The following PKP4 variants were observed in gnomAD, a reference collection of about 807,000 sequenced individuals.
PKP4 encodes the protein plakophilin 4.
Under a neutral mutation model 145.1 loss-of-function variants are expected in PKP4, and 90 were observed. The ratio of observed to expected loss-of-function variants is 0.62; its 90% confidence interval spans 0.52 to 0.74. PKP4 has a LOEUF of 0.74. Ranked by LOEUF, PKP4 falls within the 30% of genes least tolerant of loss-of-function variation. The pLI, the probability that PKP4 is intolerant of heterozygous loss-of-function variation, is 0.00. For missense variants in PKP4, 1,340 were observed against 1,482.7 expected, an observed-to-expected ratio of 0.90 and a Z score of 1.58; for synonymous variants, 563 against 577.2, an observed-to-expected ratio of 0.98 and a Z score of 0.35.
chr2:158,639,248 G>C (rs930265877), intron 9 of PKP4, among the ~76,000 whole-genome samples: 1 of 152,120 alleles, frequency 6.6e-6, no homozygotes, highest in African/African-American at 2.4e-5. Context: ...CCTGTAAATA[G>C]AATCGTATCT....
At position 158,621,341 on chromosome 2, in the gene PKP4, A is replaced by G; in HGVS notation, c.523A>G (p.Arg175Gly). The change falls in exon 6 of 22, where the codon AGA becomes GGA. Residue 175 changes from arginine (R) to glycine (G), a missense_variant. Transcript: ENST00000389759. ...CCAGAACGTGAGCAAGGCAGACAAC[A>G]GACAGCAGCATTCATTCATAGGATC... ...NSQNVSKADN[R>G]QQHSFIGSTN... The G allele has an allele frequency of 6.2e-7, 1 of 1,614,206 alleles. No individual in the cohort carries two copies. The highest frequency in any genetic ancestry group is 8.5e-7 in the Non-Finnish European group (1 of 1,180,012).
At chr2:158,503,844 T>G (rs1280454101) in intron 1 of PKP4, among the ~76,000 whole-genome samples, 4 of 152,142 alleles carry the variant, frequency 2.6e-5, no homozygotes, top group African/African-American at 9.7e-5. Flanking sequence ...CTGGATAGAT[T>G]GCTAAAAACA....
chr2:158,542,636 T>C (rs1337034105), intron 2 of PKP4, among the ~76,000 whole-genome samples: 1 of 152,180 alleles, frequency 6.6e-6, no homozygotes, highest in African/African-American at 2.4e-5. Flanking sequence ...CTCTTCTTAC[T>C]TTAAAACCAG....
At chr2:158,512,208 G>A (rs80330591) in intron 1 of PKP4, among the ~76,000 whole-genome samples, 16,621 of 152,134 alleles carry the variant, frequency 0.11, 1,183 homozygotes, top group Non-Finnish European at 0.15. Context: ...TACTAAACTC[G>A]TATATCTTGG....
At chr2:158,650,276 T>C (rs919361359) in intron 11 of PKP4, among the ~76,000 whole-genome samples, 4 of 152,226 alleles carry the variant, frequency 2.6e-5, no homozygotes, top group Admixed American at 1.3e-4. Context: ...TGTAAGCTTA[T>C]TTATTTTCTG....
At chr2:158,671,479 G>T (rs2057552074) in intron 17 of PKP4, among the ~76,000 whole-genome samples, 1 of 152,210 alleles carries the variant, frequency 6.6e-6, no homozygotes. Context: ...AGAAGAGGCT[G>T]AGATGCTGAG....
chr2:158,588,870 G>C (rs1305361073), intron 3 of PKP4: 2 of 151,922 alleles, frequency 1.3e-5, no homozygotes, highest in Non-Finnish European at 2.9e-5. Context: ...TAAATACTTA[G>C]CTTTTCCTGT....
At chr2:158,521,899 A>C (rs2042410585) in intron 1 of PKP4, among the ~76,000 whole-genome samples, 2 of 152,142 alleles carry the variant, frequency 1.3e-5, no homozygotes, top group Non-Finnish European at 2.9e-5. Context: ...CTACACTTTT[A>C]TCTGACATTA....
chr2:158,561,682 G>A (rs571701807), intron 2 of PKP4, among the ~76,000 whole-genome samples: 14 of 152,302 alleles, frequency 9.2e-5, no homozygotes, highest in Middle Eastern at 3.4e-3. Flanking sequence ...ATGAGTGCTC[G>A]TCGCACTTTG....
intron 1 of PKP4, among the ~76,000 whole-genome samples, chr2:158,493,333 T>C (rs970615410): frequency 3.9e-5 from 6 of 152,204 alleles, no homozygotes; most frequent in South Asian, 2.1e-4. Context: ...CCAAATAGTT[T>C]CTCATCGTTT....
chr2:158,613,019 A>C (rs2051276803), intron 4 of PKP4, among the ~76,000 whole-genome samples: 1 of 152,188 alleles, frequency 6.6e-6, no homozygotes, highest in Non-Finnish European at 1.5e-5. Flanking sequence ...AAACTTAAAA[A>C]ATCACCACTG....
intron 1 of PKP4, among the ~76,000 whole-genome samples, chr2:158,517,546 C>T (rs2042031283): frequency 2.0e-5 from 3 of 152,016 alleles, no homozygotes; most frequent in Admixed American, 2.0e-4. Context: ...ACTTTTACAC[C>T]TGGTTTATAG....
intron 11 of PKP4, among the ~76,000 whole-genome samples, chr2:158,654,186 G>T (rs2055674165): frequency 6.6e-6 from 1 of 152,198 alleles, no homozygotes; most frequent in Admixed American, 6.5e-5. Context: ...CATACCGAAG[G>T]TTGCAACTCT....
intron 4 of PKP4, among the ~76,000 whole-genome samples, chr2:158,614,011 A>T (rs989117480): frequency 6.6e-6 from 1 of 152,202 alleles, no homozygotes; most frequent in African/African-American, 2.4e-5. Flanking sequence ...CTCAAATGCA[A>T]TCAGGAAACC....
At chr2:158,520,447 T>A (rs1000284485) in intron 1 of PKP4, among the ~76,000 whole-genome samples, 2 of 152,226 alleles carry the variant, frequency 1.3e-5, no homozygotes, top group Non-Finnish European at 2.9e-5. Context: ...AAGTGAATAA[T>A]CTTTAGTATT....
chr2:158,480,618 G>A (rs1693208951), intron 1 of PKP4, among the ~76,000 whole-genome samples: 1 of 150,884 alleles, frequency 6.6e-6, no homozygotes, highest in African/African-American at 2.4e-5. Flanking sequence ...TCTTTAAGAG[G>A]AATAAAAACC....
In PKP4 at chr2:158,587,367, A is replaced by T. The variant is rs377357916; in HGVS notation, c.245+9984A>T. Among the ~76,000 whole-genome samples the T allele has an allele frequency of 3.9e-5, 6 of 152,068 alleles. No individual in the cohort carries two copies. The East Asian group carries it at 9.6e-4, about 24-fold the overall frequency. ...ATAGTTTGCTTTCTGTAATTATATT[A>T]TTAAATTATTTAACAGTATTGAATT... is the stretch of plus-strand genomic sequence containing the variant. On this transcript the variant is annotated intron_variant, in intron 3 of 21. Transcript: ENST00000389759.
chr2:158,555,975 T>C (rs3755404), intron 2 of PKP4, among the ~76,000 whole-genome samples: 4,446 of 152,270 alleles, frequency 0.029, 158 homozygotes, highest in East Asian at 0.17. Context: ...AAACTCTTGA[T>C]CAAATTCTAA....
At chr2:158,577,244 T>C in intron 2 of PKP4, 27 bp from the exon 3 acceptor site, 5 of 1,491,194 alleles carry the variant, frequency 3.4e-6, no homozygotes, top group Non-Finnish European at 4.7e-6. Flanking sequence ...TGGCGCCTTA[T>C]ATGCCTTTTA....
Sources: allele counts gnomAD v4.1 joint callset (sites outside exome capture counted in the v4.1 genomes callset), GRCh38; gene constraint gnomAD v4.1.1; transcripts MANE v1.5; gene names NCBI Gene and HGNC (gene_info 2026-07-23, HGNC 2026-07-21).